DNPEP: variants seen among roughly 807,000 people sequenced by gnomAD.
DNPEP encodes the protein aspartyl aminopeptidase.
Under a neutral mutation model 59.1 loss-of-function variants are expected in DNPEP, and 46 were observed. The ratio of observed to expected loss-of-function variants is 0.78; its 90% confidence interval spans 0.61 to 0.99. DNPEP has a LOEUF of 0.99. DNPEP is among the 50% of genes least tolerant of loss of function. DNPEP has a pLI of 0.00. For synonymous variants in DNPEP, 229 were observed against 242.2 expected (o/e 0.95, Z 0.50); for missense variants, 617 against 649.9 (o/e 0.95, Z 0.55).
At chr2:219,377,550 A>G (rs1255604780) in intron 13 of DNPEP, among the ~76,000 whole-genome samples, 1 of 152,148 alleles carries the variant, frequency 6.6e-6, no homozygotes, top group Non-Finnish European at 1.5e-5. Flanking sequence ...TACCTGTAAA[A>G]AAAATATTTT....
intron 6 of DNPEP, 59 bp from the exon 7 acceptor site, chr2:219,385,765 C>A: frequency 1.3e-6 from 2 of 1,495,566 alleles, no homozygotes; most frequent in Admixed American, 2.0e-5. Flanking sequence ...AGTGCGGCAT[C>A]CATAAGTTCA....
chr2:219,386,182 T>C, intron 5 of DNPEP, 84 bp from the exon 6 acceptor site: 2 of 1,607,304 alleles, frequency 1.2e-6, no homozygotes. Flanking sequence ...AGCAGGGTGG[T>C]CCTCTGACCA....
chr2:219,375,415 TATG>T (rs1408345035), intron 13 of DNPEP, among the ~76,000 whole-genome samples: 2 of 152,078 alleles, frequency 1.3e-5, no homozygotes, highest in Non-Finnish European at 2.9e-5. Context: ...AAAATGAAAA[TATG>T]ATGCTAGATA....
chr2:219,385,186 T>C (rs1877868), intron 8 of DNPEP: 463,402 of 465,566 alleles, frequency 1, 230,662 homozygotes, highest in East Asian at 1. Flanking sequence ...AGAAACTCTT[T>C]GGGAATCTGT....
At chr2:219,387,549 G>A in intron 1 of DNPEP, 1 of 1,388,068 alleles carries the variant, frequency 7.2e-7, no homozygotes, top group Non-Finnish European at 9.4e-7. Context: ...ACCCCAAGGA[G>A]CACCCTGACT....
At position 219,374,195 on chromosome 2, in the gene DNPEP, C is replaced by CT; in HGVS notation, c.*96dup. 8.3e-7 allele frequency: 1 copy of CT among 1,201,078 alleles called. No individual in the cohort carries two copies. The highest frequency in any genetic ancestry group is 1.2e-6 in the Non-Finnish European group (1 of 809,950). The allele number at this position is 1,201,078 out of a possible 1,614,324, so 74.4% of individuals were successfully genotyped here. ...TCCAAATAAGCGTAGCACGGAGAGT[C>CT]TGAGTGACAATCCACTTTAATAATC... On this transcript the variant is annotated 3_prime_UTR_variant, in exon 15 of 15. Transcript: ENST00000273075.
intron 3 of DNPEP, 45 bp downstream of exon 3, chr2:219,386,847 C>T (rs757403308): frequency 3.1e-6 from 5 of 1,610,906 alleles, no homozygotes; most frequent in Non-Finnish European, 4.2e-6. Flanking sequence ...GGCTTGGAGA[C>T]CAGCCTAGGG....
rs532114489 is a variant in DNPEP at position 219,381,831 on chromosome 2, G to C, written c.1097+148C>G. ...GCATGACTTTGACCAAGTTGGTCTCGCAGTAGTGAAAAGGAAGTGCCCGTG... is the reference window on the plus strand; with the variant it reads ...GCATGACTTTGACCAAGTTGGTCTCCCAGTAGTGAAAAGGAAGTGCCCGTG... On this transcript the variant is annotated intron_variant, in intron 11 of 14. Coordinates refer to ENST00000273075, the MANE Select transcript of DNPEP (RefSeq NM_012100.4). 28 of 1,007,552 alleles carry C rather than the reference G, an allele frequency of 2.8e-5. No homozygotes were observed. In the Admixed American group the frequency reaches 5.7e-4, roughly 21 times the overall value. 62.4% of individuals were successfully genotyped at this position (1,007,552 alleles called of 1,614,324 possible). A position where few individuals can be genotyped will look rare whatever the true frequency, so the allele number is the denominator to read the frequency against.
rs188965481 is a variant in DNPEP, at chr2:219,372,477, T to C, written c.*1815A>G. On this transcript the variant is annotated 3_prime_UTR_variant, in exon 15 of 15. Transcript: ENST00000273075. ...GCCTCCCTGGCTCAAGCTATTCTCC[T>C]GCCTCAGCCTCCCGAGTAGCTGGGA... Among the ~76,000 whole-genome samples the C allele has an allele frequency of 6.6e-6, 1 of 152,262 alleles. No homozygotes were observed. Among genetic ancestry groups the C allele is most frequent in the African/African-American group, 2.4e-5 (1 of 41,548 alleles).
At chr2:219,377,949 AAAC>A (rs1218237869) in intron 13 of DNPEP, among the ~76,000 whole-genome samples, 5 of 147,594 alleles carry the variant, frequency 3.4e-5, no homozygotes, top group African/African-American at 1.3e-4. Flanking sequence ...TTAAAAAAAA[AAAC>A]CAAACTCAAA....
upstream of DNPEP, among the ~76,000 whole-genome samples, chr2:219,390,514 A>G (rs1450597689): frequency 6.6e-6 from 1 of 152,242 alleles, no homozygotes; most frequent in East Asian, 1.9e-4. Flanking sequence ...TCTAGTCATG[A>G]ACATATGAGA....
chr2:219,395,111 G>C (rs1954075590), intron 1 of DNPEP, among the ~76,000 whole-genome samples: 1 of 152,006 alleles, frequency 6.6e-6, no homozygotes, highest in Non-Finnish European at 1.5e-5. Context: ...ACCATGCCCA[G>C]CTAATTTTGT....
rs1252045101 is a variant in DNPEP at position 219,372,446 on chromosome 2, G to A, written c.*1846C>T. ...AGTGGCTCAATCTTGGCTCACTGCA[G>A]CCTCTGCCTCCCTGGCTCAAGCTAT... On this transcript the variant is annotated 3_prime_UTR_variant, in exon 15 of 15. Coordinates refer to ENST00000273075, the MANE Select transcript of DNPEP (RefSeq NM_012100.4). Among the ~76,000 whole-genome samples the A allele has an allele frequency of 6.6e-6, 1 of 151,952 alleles. No individual in the cohort carries two copies. Among genetic ancestry groups the A allele is most frequent in the Non-Finnish European group, 1.5e-5 (1 of 68,000 alleles).
At chr2:219,382,260 G>T (rs1953635484) in intron 10 of DNPEP, 121 bp from the exon 11 acceptor site, 1 of 1,120,934 alleles carries the variant, frequency 8.9e-7, no homozygotes, top group Non-Finnish European at 1.3e-6. Context: ...GGTGTTCTTA[G>T]CAACACCCCT....
In DNPEP at chr2:219,372,169, A is replaced by G. The variant is rs76420757; in HGVS notation, c.*2123T>C. On this transcript the variant is annotated 3_prime_UTR_variant, in exon 15 of 15. Coordinates refer to ENST00000273075, the MANE Select transcript of DNPEP (RefSeq NM_012100.4). ...CTGTACGCCAATTGTAAGAGTAAAT[A>G]CAGTGTGAGGGTAAAATTTTTTACA... Among the ~76,000 whole-genome samples, 7 of 152,310 alleles carry G rather than the reference A, an allele frequency of 4.6e-5. No homozygotes were observed. In the East Asian group the frequency reaches 1.4e-3, roughly 29 times the overall value.
intron 13 of DNPEP, among the ~76,000 whole-genome samples, chr2:219,377,617 C>A (rs1953426534): frequency 6.6e-6 from 1 of 152,120 alleles, no homozygotes; most frequent in Non-Finnish European, 1.5e-5. Context: ...TACAAGTTTA[C>A]TGAAACAACA....
intron 1 of DNPEP, 173 bp downstream of exon 1, chr2:219,387,586 G>A: frequency 6.6e-7 from 1 of 1,517,386 alleles, no homozygotes. Context: ...CTAGTCTCTC[G>A]CAGGACTCCC....
intron 13 of DNPEP, among the ~76,000 whole-genome samples, chr2:219,377,277 CAAAA>C (rs386392672): frequency 4.5e-5 from 3 of 66,104 alleles, no homozygotes; most frequent in Admixed American, 2.3e-4. Context: ...CTCACTCTGT[CAAAA>C]AAAAAAAAAA....
At chr2:219,384,581 T>TC in intron 8 of DNPEP, 138 bp from the exon 9 acceptor site, 1 of 621,756 alleles carries the variant, frequency 1.6e-6, no homozygotes, top group Non-Finnish European at 2.8e-6. Flanking sequence ...TTTTTTCTTT[T>TC]TTTTGAGATG....
Sources: gnomAD v4.1 joint callset for allele counts (sites outside exome capture counted in the v4.1 genomes callset) on GRCh38, gnomAD v4.1.1 for gene constraint, MANE v1.5 for transcripts, NCBI Gene and HGNC (gene_info 2026-07-23, HGNC 2026-07-21) for gene names.